TRPM5: variants seen among roughly 807,000 people sequenced by gnomAD.
The protein encoded by TRPM5 is transient receptor potential cation channel subfamily M member 5.
In TRPM5, 121 loss-of-function variants were observed where a neutral mutation model predicts 124.9. The ratio of observed to expected loss-of-function variants is 0.97; its 90% confidence interval spans 0.84 to 1.13. TRPM5 has a LOEUF of 1.13. TRPM5 is among the 50% of genes most tolerant of loss of function. The pLI, the probability that TRPM5 is intolerant of heterozygous loss-of-function variation, is 0.00. For missense variants in TRPM5, 1,643 were observed against 1,589.1 expected (o/e 1.03, Z -0.58); for synonymous variants, 781 against 700.5 (o/e 1.11, Z -1.81).
At chr11:2,404,860 G>A (rs1850280840) in exon 24 of TRPM5, 1 of 1,274,646 alleles carries the variant, frequency 7.8e-7, no homozygotes, top group African/African-American at 1.5e-5. Context: ...TCCGCTGGAG[G>A]TCGGCAAAGG....
chr11:2,417,296 A>G (rs1350408796), intron 7 of TRPM5, among the ~76,000 whole-genome samples: 1 of 152,164 alleles, frequency 6.6e-6, no homozygotes, highest in Non-Finnish European at 1.5e-5. Flanking sequence ...CTAAAAATAC[A>G]AAAACAAAAT....
chr11:2,418,446 C>T, intron 5 of TRPM5, 81 bp downstream of exon 10: 1 of 1,523,796 alleles, frequency 6.6e-7, no homozygotes, highest in Non-Finnish European at 8.9e-7. Flanking sequence ...ATCCCTTCAG[C>T]CCTGTCCCAG....
intron 6 of TRPM5, 34 bp from the exon 12 acceptor site, chr11:2,417,863 C>T (rs370281630): frequency 1.6e-5 from 25 of 1,545,186 alleles, no homozygotes; most frequent in Non-Finnish European, 2.2e-5. Context: ...ATGGGGCCGC[C>T]TCAGCCAGGA....
chr11:2,406,221 C>T, intron 21 of TRPM5, 130 bp from the exon 27 acceptor site: 5 of 953,716 alleles, frequency 5.2e-6, no homozygotes, highest in East Asian at 2.5e-5. Context: ...CTTCCTCCCT[C>T]ATGCCCAGAT....
exon 17 of TRPM5, chr11:2,411,702 A>G (rs1199898394): frequency 1.2e-6 from 2 of 1,612,810 alleles, no homozygotes; most frequent in East Asian, 2.2e-5. Context: ...GATCAGCCGC[A>G]GCGTGAACAC....
exon 19 of TRPM5, chr11:2,407,909 G>T (rs750013778): frequency 6.2e-7 from 1 of 1,613,440 alleles, no homozygotes; most frequent in Non-Finnish European, 8.5e-7. Flanking sequence ...GTTCACACGG[G>T]CTTCTGGAAA....
the TRPM5 span, among the ~76,000 whole-genome samples, chr11:2,438,836 TCATATGGAAC>T: frequency 2.0e-5 from 3 of 152,018 alleles, no homozygotes; most frequent in South Asian, 4.2e-4. This position sits in a 1 kb window ranked among gnomAD's most constrained non-coding sequence, Gnocchi z 5.9. Flanking sequence ...ACTCTAAAAT[TCATATGGAAC>T]CAAAAAAGAG....
At chr11:2,421,272 C>T in intron 2 of TRPM5, 74 bp from the exon 8 acceptor site, 1 of 1,460,436 alleles carries the variant, frequency 6.8e-7, no homozygotes, top group Non-Finnish European at 9.0e-7. Flanking sequence ...GCCCTAACCC[C>T]TAGGCCCAAT....
At chr11:2,407,981 CG>C (rs892161428) in intron 18 of TRPM5, 69 bp from the exon 24 acceptor site, 3 of 1,566,922 alleles carry the variant, frequency 1.9e-6, no homozygotes, top group Non-Finnish European at 2.6e-6. Flanking sequence ...GCAAATGCCC[CG>C]AGATAGAGCG....
At chr11:2,443,921 A>AC in the TRPM5 span, among the ~76,000 whole-genome samples, 1 of 145,080 alleles carries the variant, frequency 6.9e-6, no homozygotes, top group Non-Finnish European at 1.5e-5. The surrounding 1 kb of genome is among the most constrained non-coding windows in gnomAD (Gnocchi z 5.0). Context: ...TGACCAACCC[A>AC]CCCCCACCCA....
the TRPM5 span, among the ~76,000 whole-genome samples, chr11:2,435,648 CATCT>C: frequency 6.6e-5 from 10 of 151,744 alleles, no homozygotes; most frequent in African/African-American, 9.7e-5. The surrounding 1 kb of genome is among the most constrained non-coding windows in gnomAD (Gnocchi z 4.1). Context: ...TCCATGCATC[CATCT>C]GTCTGTTCAT....
Position 2,411,247 on chromosome 11 carries a change from T to A in TRPM5, c.2782+105A>T, listed in dbSNP as rs1220331705. On this transcript the variant is annotated intron_variant, in intron 18 of 23. Coordinates refer to ENST00000155858, the Ensembl canonical transcript of TRPM5. ...CTCCCATCTCTGCTCCAGGCTGGGGTCTCCATGGCCCCAACAGACCTCTCT... is the reference window on the plus strand; with the variant it reads ...CTCCCATCTCTGCTCCAGGCTGGGGACTCCATGGCCCCAACAGACCTCTCT... 2.3e-6 allele frequency: 3 copies of A among 1,310,938 alleles called. No homozygotes were observed. In the African/African-American group the frequency reaches 4.5e-5, roughly 20 times the overall value. The allele number at this position is 1,310,938 out of a possible 1,614,324, so 81.2% of individuals were successfully genotyped here. A position where few individuals can be genotyped will look rare whatever the true frequency, so the allele number is the denominator to read the frequency against.
At position 2,413,574 on chromosome 11, in the gene TRPM5, C is replaced by A. The variant is rs769744952; in HGVS notation, c.1905G>T (p.Arg635Ser). ...CTGCGGCCATGTCCCCCCACCAGAT[C>A]CTGGTCAGGAAGGCCTGAGGTGAAG... The change falls in exon 13 of 24, where the codon AGG (arginine) becomes AGT (serine). Residue 635 changes from arginine to serine, a missense_variant. Arg to Ser is a moderately radical substitution (Grantham distance 110). Coordinates refer to ENST00000155858, the Ensembl canonical transcript of TRPM5. 3.1e-6 allele frequency: 5 copies of A among 1,612,432 alleles called. No homozygotes were observed. The East Asian group carries it at 1.1e-4, about 36-fold the overall frequency.
At chr11:2,431,663 T>C in the TRPM5 span, among the ~76,000 whole-genome samples, 1 of 152,124 alleles carries the variant, frequency 6.6e-6, no homozygotes, top group Non-Finnish European at 1.5e-5. Flanking sequence ...TCTGGTGCTC[T>C]ACCAGGAGCA....
intron 20 of TRPM5, 45 bp from the exon 26 acceptor site, chr11:2,406,838 G>A (rs201161956): frequency 3.0e-5 from 48 of 1,585,744 alleles, no homozygotes; most frequent in Middle Eastern, 1.7e-4. Flanking sequence ...GCATGTGGGC[G>A]TCAGTGGCAG....
chr11:2,428,625 G>A, the TRPM5 span, among the ~76,000 whole-genome samples: 1 of 151,896 alleles, frequency 6.6e-6, no homozygotes, highest in Non-Finnish European at 1.5e-5. The surrounding 1 kb of genome is among the most constrained non-coding windows in gnomAD (Gnocchi z 4.0). Context: ...TGGCATTACC[G>A]TTGATGAGGG....
At chr11:2,405,542 C>T in exon 23 of TRPM5, 1 of 1,563,610 alleles carries the variant, frequency 6.4e-7, no homozygotes, top group Non-Finnish European at 8.7e-7. Flanking sequence ...GGGCCGCCAC[C>T]CTGGGCCAGC....
rs768602217 is a variant in TRPM5, at chr11:2,407,865, G to A, written c.2830C>T (p.Pro944Ser). The A allele has an allele frequency of 2.3e-5, 37 of 1,613,884 alleles. No homozygotes were observed. The highest frequency in any genetic ancestry group is 2.8e-5 in the Non-Finnish European group (33 of 1,179,998). ...TTGGCATAGAGGCTGGGGCAGGATG[G>A]TGAGTCCTCCAGCAGCAGTGGGTGG... Residue 944 changes from proline to serine, a missense_variant, in exon 19 of 24, where the codon CCA becomes TCA. By Grantham distance (74) the Pro-to-Ser change is moderately conservative. Coordinates refer to ENST00000155858, the Ensembl canonical transcript of TRPM5.
intron 15 of TRPM5, 116 bp downstream of exon 20, chr11:2,412,638 C>T (rs1057185959): frequency 2.4e-5 from 28 of 1,143,188 alleles, no homozygotes; most frequent in African/African-American, 4.7e-5. Flanking sequence ...GGGAGGCCCC[C>T]ATGCTGTTCT....
Sources: gnomAD v4.1 joint callset for allele counts (sites outside exome capture counted in the v4.1 genomes callset) on GRCh38, gnomAD v4.1.1 for gene constraint, Gnocchi (gnomAD v3.1) non-coding constraint, MANE v1.5 for transcripts, NCBI Gene and HGNC (gene_info 2026-07-23, HGNC 2026-07-21) for gene names.